Variants in SH3D19 observed in about 807,000 individuals in gnomAD.
SH3D19 encodes the protein SH3 domain-containing protein 19.
SH3D19 carries 58 observed loss-of-function variants against 112.1 expected under a neutral mutation model. That is an observed-to-expected ratio of 0.52 (90% CI 0.42 to 0.64). The LOEUF is 0.64. Ranked by LOEUF, SH3D19 falls within the 30% of genes least tolerant of loss-of-function variation. The probability of loss-of-function intolerance (pLI) is 0.00; values close to 1 mark genes in which losing one functional copy is unlikely to be tolerated. For missense variants in SH3D19, 1,090 were observed against 1,263.4 expected (o/e 0.86, Z 2.08); for synonymous variants, 391 against 448.5 (o/e 0.87, Z 1.62).
intron 1 of SH3D19, among the ~76,000 whole-genome samples, chr4:151,255,024 CCGGGCAGAGGCGCCCCTCACCTCCCGGA>C (rs1771728733): frequency 6.6e-6 from 1 of 150,766 alleles, no homozygotes; most frequent in South Asian, 2.1e-4. Context: ...GTAGGGGCGG[CCGGGCAGAGGCGCCCCTCACCTCCCGGA>C]CGGGGCGGCT....
intron 9 of SH3D19, among the ~76,000 whole-genome samples, chr4:151,153,902 T>C (rs2149787644): frequency 6.6e-6 from 1 of 152,302 alleles, no homozygotes; most frequent in South Asian, 2.1e-4. Context: ...TTTTTTGTTT[T>C]TCTAAAATGT....
intron 11 of SH3D19, among the ~76,000 whole-genome samples, chr4:151,147,424 A>G (rs1022959110): frequency 1.3e-5 from 2 of 152,016 alleles, no homozygotes; most frequent in African/African-American, 4.8e-5. Context: ...CTTTCCCTAC[A>G]TTTCTCCTAA....
At chr4:151,231,949 T>G (rs1286623192) in intron 1 of SH3D19, among the ~76,000 whole-genome samples, 1 of 152,108 alleles carries the variant, frequency 6.6e-6, no homozygotes, top group East Asian at 1.9e-4. Context: ...TTTGGGAGGC[T>G]GAGGTGGGCG....
chr4:151,255,076 G>A (rs865963656), intron 1 of SH3D19, among the ~76,000 whole-genome samples: 1,571 of 150,114 alleles, frequency 0.01, 12 homozygotes, highest in Middle Eastern at 0.052. Flanking sequence ...CGGGCGGGGG[G>A]CTGACCCCCA....
chr4:151,216,101 T>A (rs1241510530), intron 2 of SH3D19, among the ~76,000 whole-genome samples: 1 of 152,162 alleles, frequency 6.6e-6, no homozygotes, highest in Admixed American at 6.5e-5. Context: ...AGTGCTGGGA[T>A]TACAGGCATG....
chr4:151,126,979 G>T (rs370217778), intron 19 of SH3D19, among the ~76,000 whole-genome samples: 1 of 149,492 alleles, frequency 6.7e-6, no homozygotes, highest in Admixed American at 6.7e-5. Flanking sequence ...GTGCAATCTC[G>T]GCTCACTGCA....
intron 2 of SH3D19, among the ~76,000 whole-genome samples, chr4:151,201,369 C>T (rs531372427): frequency 6.6e-6 from 1 of 152,274 alleles, no homozygotes; most frequent in East Asian, 1.9e-4. Flanking sequence ...AATAAAAATA[C>T]AGGGTGTTAA....
At chr4:151,173,205 G>A (rs1240640661) in intron 7 of SH3D19, among the ~76,000 whole-genome samples, 1 of 152,230 alleles carries the variant, frequency 6.6e-6, no homozygotes, top group African/African-American at 2.4e-5. Flanking sequence ...TCTTTAGCTT[G>A]CTGCTGTTGG....
At chr4:151,220,754 A>G (rs993357666) in intron 2 of SH3D19, among the ~76,000 whole-genome samples, 8 of 152,248 alleles carry the variant, frequency 5.3e-5, no homozygotes, top group African/African-American at 1.9e-4. Context: ...TTGGAGTTTT[A>G]TAATGTACTT....
At chr4:151,193,720 C>T (rs968729854) in intron 2 of SH3D19, among the ~76,000 whole-genome samples, 1 of 152,158 alleles carries the variant, frequency 6.6e-6, no homozygotes, top group African/African-American at 2.4e-5. Flanking sequence ...CATGTCAACC[C>T]AGCACCTAAG....
intron 1 of SH3D19, among the ~76,000 whole-genome samples, chr4:151,235,647 G>A (rs1219801844): frequency 6.6e-6 from 1 of 152,146 alleles, no homozygotes; most frequent in East Asian, 1.9e-4. Context: ...TTAGCTGGGT[G>A]TGGTGGTGCA....
intron 2 of SH3D19, among the ~76,000 whole-genome samples, chr4:151,224,814 TGC>T (rs1246863452): frequency 2.0e-5 from 3 of 152,290 alleles, no homozygotes; most frequent in Non-Finnish European, 2.9e-5. Context: ...CCCAAGTAGC[TGC>T]GATTACAGGT....
At chr4:151,318,505 T>C (rs926807644) in intron 1 of SH3D19, among the ~76,000 whole-genome samples, 3 of 152,142 alleles carry the variant, frequency 2.0e-5, no homozygotes, top group African/African-American at 7.2e-5. Flanking sequence ...TATTAAATGA[T>C]GACACTGCAG....
intron 1 of SH3D19, among the ~76,000 whole-genome samples, chr4:151,233,062 GC>G (rs1045016694): frequency 3.7e-4 from 57 of 152,112 alleles, no homozygotes; most frequent in African/African-American, 1.3e-3. Context: ...CCTCATAGGA[GC>G]TTGAACCCTA....
intron 2 of SH3D19, among the ~76,000 whole-genome samples, chr4:151,198,437 AT>A (rs1428300211): frequency 6.5e-4 from 92 of 140,796 alleles, no homozygotes; most frequent in Admixed American, 1.5e-3. Context: ...ATTATATAAA[AT>A]ATATATAAAA....
intron 1 of SH3D19, among the ~76,000 whole-genome samples, chr4:151,320,868 C>T (rs1730465509): frequency 6.6e-6 from 1 of 151,936 alleles, no homozygotes; most frequent in Non-Finnish European, 1.5e-5. Flanking sequence ...GGCAAAACCC[C>T]GCCTCTACTA....
chr4:151,226,066 G>T lies in SH3D19; in HGVS notation c.133C>A (p.Pro45Thr). ...TCATACCTTGAAGAACGATGTTCTG[G>T]TTTATTTCGTTCGTTGCGATCTGTA... The part of the protein sequence containing the change: ...SAADRNERNK[P>T]EHRSSSQGPL... Residue 45 changes from proline (P) to threonine (T), a missense_variant, in exon 2 of 20, where the codon CCA becomes ACA. Coordinates refer to ENST00000604030, the MANE Select transcript of SH3D19 (RefSeq NM_001378122.1). The T allele has an allele frequency of 8.1e-7, 1 of 1,231,544 alleles. No homozygotes were observed. The highest frequency in any genetic ancestry group is 1.0e-6 in the Non-Finnish European group (1 of 987,520). 76.3% of individuals were successfully genotyped at this position (1,231,544 alleles called of 1,614,324 possible).
chr4:151,275,614 G>A (rs1358631347), intron 1 of SH3D19, among the ~76,000 whole-genome samples: 1 of 152,070 alleles, frequency 6.6e-6, no homozygotes, highest in Admixed American at 6.6e-5. Context: ...TTGAACTACT[G>A]ACTTCAAGTG....
At chr4:151,216,877 CTG>C (rs34575245) in intron 2 of SH3D19, among the ~76,000 whole-genome samples, 34,819 of 140,420 alleles carry the variant, frequency 0.25, 4,070 homozygotes, top group Non-Finnish European at 0.3. Context: ...CAAAACAACA[CTG>C]TGTGTGTGTG....
Sources: allele counts gnomAD v4.1 joint callset (sites outside exome capture counted in the v4.1 genomes callset), GRCh38; gene constraint gnomAD v4.1.1; transcripts MANE v1.5; gene names NCBI Gene and HGNC (gene_info 2026-07-23, HGNC 2026-07-21).